CELSR1: variants seen among roughly 807,000 people sequenced by gnomAD.
CELSR1 encodes cadherin EGF LAG seven-pass G-type receptor 1, also known as adhesion G protein-coupled receptor C1.
A neutral mutation model predicts 249.1 loss-of-function variants in CELSR1; 110 were observed. That is an observed-to-expected ratio of 0.44 (90% confidence interval 0.38 to 0.52). The LOEUF (loss-of-function observed/expected upper bound fraction) is 0.52. CELSR1 is among the 20% of genes least tolerant of loss of function. The pLI is 0.00. For synonymous variants in CELSR1, 2,113 were observed against 1,900.0 expected (o/e 1.11, Z -2.92); for missense variants, 4,109 against 4,296.4 (o/e 0.96, Z 1.22).
intron 1 of CELSR1, among the ~76,000 whole-genome samples, chr22:46,494,040 GA>G (rs1428014264): frequency 6.6e-6 from 1 of 152,090 alleles, no homozygotes; most frequent in Non-Finnish European, 1.5e-5. Context: ...AACAGATTCA[GA>G]AAAAAAGGCA....
intron 5 of CELSR1, among the ~76,000 whole-genome samples, chr22:46,425,680 G>GT (rs1192400000): frequency 1.3e-5 from 2 of 148,528 alleles, no homozygotes; most frequent in African/African-American, 4.9e-5. Flanking sequence ...CACGCTAGAA[G>GT]TTTTCCCCCG....
chr22:46,521,370 T>G (rs1398938659), intron 1 of CELSR1, among the ~76,000 whole-genome samples: 1 of 151,848 alleles, frequency 6.6e-6, no homozygotes, highest in Non-Finnish European at 1.5e-5. Context: ...CTGGGCATGG[T>G]GGCGGGCACC....
In CELSR1 at chr22:46,391,514, C is replaced by G; in HGVS notation, c.6148+119G>C. 1 of 1,237,426 alleles carries G rather than the reference C, an allele frequency of 8.1e-7. No individual in the cohort carries two copies. Among genetic ancestry groups the G allele is most frequent in the Non-Finnish European group, 1.1e-6 (1 of 917,250 alleles). 76.7% of individuals were successfully genotyped at this position (1,237,426 alleles called of 1,614,324 possible). ...AGGTTTCTAGAAGGTCAAGAGAACT[C>G]AGAACACGAGGGAGCCCAGGGTCCC... On this transcript the variant is annotated intron_variant, in intron 15 of 34. Transcript: ENST00000674500. This position sits in a 1 kb window ranked among gnomAD's most constrained non-coding sequence, Gnocchi z 4.3.
chr22:46,508,931 AC>A (rs2080544236), intron 1 of CELSR1, among the ~76,000 whole-genome samples: 1 of 151,884 alleles, frequency 6.6e-6, no homozygotes, highest in Non-Finnish European at 1.5e-5. Flanking sequence ...GGTCAAAGCA[AC>A]CCCGAGCTCC....
rs1437173658 is a variant in CELSR1 at position 46,363,754 on chromosome 22, G to C, written c.9035+242C>G. ...GGTCCTAGCATTTTGGGGCTGGCCA[G>C]GGCTTCAGAGTCCCAGAGGCCTGAG... On this transcript the variant is annotated intron_variant, in intron 34 of 34. Coordinates refer to ENST00000674500, the MANE Select transcript of CELSR1 (RefSeq NM_001378328.1). This position sits in a 1 kb window ranked among gnomAD's most constrained non-coding sequence, Gnocchi z 4.3. The C allele has an allele frequency of 5.4e-6, 3 of 560,310 alleles. No individual in the cohort carries two copies. Among genetic ancestry groups the C allele is most frequent in the Non-Finnish European group, 9.2e-6 (3 of 326,832 alleles). The allele number at this position is 560,310 out of a possible 1,614,324, so 34.7% of individuals were successfully genotyped here.
At chr22:46,435,526 C>A (rs1387121155) in intron 4 of CELSR1, among the ~76,000 whole-genome samples, 1 of 151,916 alleles carries the variant, frequency 6.6e-6, no homozygotes, top group Admixed American at 6.6e-5. Context: ...AGGTGATCTG[C>A]CTGCCTCGGC....
intron 12 of CELSR1, among the ~76,000 whole-genome samples, chr22:46,397,417 G>A (rs9615983): frequency 0.15 from 22,224 of 150,622 alleles, 2,396 homozygotes; most frequent in African/African-American, 0.32. Flanking sequence ...CACTGCACCC[G>A]GCCTTACTTT....
chr22:46,370,659 T>C (rs904820514), intron 25 of CELSR1, among the ~76,000 whole-genome samples: 2 of 152,108 alleles, frequency 1.3e-5, no homozygotes, highest in East Asian at 3.9e-4. Context: ...TCCTCCCCAC[T>C]CTCCTTATTT....
rs996451054 is a variant in CELSR1, at chr22:46,441,920, G to A, written c.4184-2509C>T. ...CCCCAGCACTTGGGGAGGCTGAGGC[G>A]GGTAGATTACCAGAGGTCGAGAGTT... On this transcript the variant is annotated intron_variant, in intron 2 of 34. Coordinates refer to ENST00000674500, the MANE Select transcript of CELSR1 (RefSeq NM_001378328.1). This position sits in a 1 kb window ranked among gnomAD's most constrained non-coding sequence, Gnocchi z 6.1. Among the ~76,000 whole-genome samples, 10 of 152,108 alleles carry A rather than the reference G, an allele frequency of 6.6e-5. No individual in the cohort carries two copies. Among genetic ancestry groups the A allele is most frequent in the African/African-American group, 2.2e-4 (9 of 41,412 alleles).
At chr22:46,365,133 G>A (rs993795976) in intron 32 of CELSR1, 98 bp downstream of exon 32, 3 of 1,454,970 alleles carry the variant, frequency 2.1e-6, no homozygotes, top group African/African-American at 2.8e-5. Context: ...CAGTGCTGCT[G>A]GGCATATCCT....
chr22:46,363,800 G>T lies in CELSR1; in HGVS notation c.9035+196C>A, dbSNP rs2078732407. The T allele has an allele frequency of 2.9e-6, 2 of 695,946 alleles. No homozygotes were observed. The highest frequency in any genetic ancestry group is 1.8e-5 in the African/African-American group (1 of 54,906). 43.1% of individuals were successfully genotyped at this position (695,946 alleles called of 1,614,324 possible). On this transcript the variant is annotated intron_variant, in intron 34 of 34. Coordinates refer to ENST00000674500, the MANE Select transcript of CELSR1 (RefSeq NM_001378328.1). The surrounding 1 kb of genome is among the most constrained non-coding windows in gnomAD (Gnocchi z 4.3). ...CTGAGACGTGTCCCCAGGATAGGGG[G>T]TCTGCCCATCTCCGGGGTATCCTCC...
chr22:46,508,393 CT>C (rs1020414308), intron 1 of CELSR1, among the ~76,000 whole-genome samples: 15 of 152,034 alleles, frequency 9.9e-5, no homozygotes, highest in East Asian at 1.9e-4. Flanking sequence ...CTGCTTCCCC[CT>C]GACCGTCCCC....
intron 1 of CELSR1, among the ~76,000 whole-genome samples, chr22:46,485,674 C>A (rs952043282): frequency 2.6e-5 from 4 of 152,240 alleles, no homozygotes; most frequent in Non-Finnish European, 4.4e-5. Context: ...TCTCCATCCA[C>A]ACCTGTGCTG....
Position 46,366,378 on chromosome 22 carries a change from G to A in CELSR1, c.8300+8C>T, listed in dbSNP as rs538998117. On this transcript the variant is annotated splice_region_variant and intron_variant, in intron 30 of 34. Transcript: ENST00000674500. ...GCCACCTCCCCGAACCCGGAGCTGC[G>A]GCCTGACCTGACGATGCTGTCCAGC... is the stretch of plus-strand genomic sequence containing the variant. 40 of 1,545,992 alleles carry A rather than the reference G, an allele frequency of 2.6e-5. No homozygotes were observed. Among genetic ancestry groups the A allele is most frequent in the Non-Finnish European group, 3.2e-5 (37 of 1,144,166 alleles).
Position 46,436,835 on chromosome 22 carries a change from C to A in CELSR1, c.4407-546G>T, listed in dbSNP as rs189657127. On this transcript the variant is annotated intron_variant, in intron 3 of 34. Transcript: ENST00000674500. The surrounding 1 kb of genome is among the most constrained non-coding windows in gnomAD (Gnocchi z 5.9). Reference sequence around the variant, plus strand: ...TGCCCCCTATGCCAGAAACAATCTTCCCAGGCTTTGCAGATCACTCAGGGG... The same window carrying A: ...TGCCCCCTATGCCAGAAACAATCTTACCAGGCTTTGCAGATCACTCAGGGG... 1.8e-3 allele frequency among the ~76,000 whole-genome samples: 270 copies of A among 152,302 alleles called. 3 individuals carry two copies. Among genetic ancestry groups the A allele is most frequent in the African/African-American group, 6.2e-3 (256 of 41,562 alleles).
intron 2 of CELSR1, among the ~76,000 whole-genome samples, chr22:46,462,473 T>C (rs1304825645): frequency 6.6e-6 from 1 of 152,198 alleles, no homozygotes; most frequent in East Asian, 1.9e-4. Context: ...TACCTGCTAA[T>C]ACCTCAAACC....
intron 1 of CELSR1, among the ~76,000 whole-genome samples, chr22:46,499,453 G>A (rs2080445470): frequency 6.6e-6 from 1 of 152,170 alleles, no homozygotes; most frequent in Admixed American, 6.5e-5. Context: ...GGACATAGAC[G>A]AACAGGCTTA....
chr22:46,424,076 T>A (rs964548963), intron 5 of CELSR1, among the ~76,000 whole-genome samples: 36 of 145,396 alleles, frequency 2.5e-4, no homozygotes, highest in African/African-American at 9.0e-4. Flanking sequence ...AAAAAAAAAT[T>A]TTTTTTTAAG....
intron 1 of CELSR1, among the ~76,000 whole-genome samples, chr22:46,478,856 A>C (rs945913486): frequency 1.3e-5 from 2 of 151,516 alleles, no homozygotes; most frequent in African/African-American, 4.8e-5. Context: ...CCAGCCGAAG[A>C]TGAGACGTCT....
Sources: gnomAD v4.1 joint callset for allele counts (sites outside exome capture counted in the v4.1 genomes callset) on GRCh38, gnomAD v4.1.1 for gene constraint, Gnocchi (gnomAD v3.1) non-coding constraint, MANE v1.5 for transcripts, NCBI Gene and HGNC (gene_info 2026-07-23, HGNC 2026-07-21) for gene names.